PCGF6: variants seen among roughly 807,000 people sequenced by gnomAD.
The protein encoded by PCGF6 is polycomb group RING finger protein 6.
Under a neutral mutation model 45.5 loss-of-function variants are expected in PCGF6, and 24 were observed. That is an observed-to-expected ratio of 0.53 (90% CI 0.38 to 0.74). PCGF6 has a LOEUF of 0.74. PCGF6 is among the 30% of genes least tolerant of loss of function. The pLI, the probability that PCGF6 is intolerant of heterozygous loss-of-function variation, is 0.00. For missense variants in PCGF6, 356 were observed against 443.2 expected (o/e 0.80, Z 1.77); for synonymous variants, 152 against 162.1 (o/e 0.94, Z 0.47).
intron 3 of PCGF6, 27 bp from the exon 4 acceptor site, chr10:103,347,477 C>T (rs2093303754): frequency 6.4e-7 from 1 of 1,564,362 alleles, no homozygotes. Flanking sequence ...ATGGAGAATA[C>T]CTCAGAATTC....
chr10:103,312,083 C>CAA (rs2093159325), intron 9 of PCGF6, among the ~76,000 whole-genome samples: 5 of 67,268 alleles, frequency 7.4e-5, no homozygotes, highest in South Asian at 6.3e-4. Context: ...GACTCTGTCT[C>CAA]CAAAAAAAAA....
At chr10:103,338,785 T>C (rs2093267981) in intron 6 of PCGF6, among the ~76,000 whole-genome samples, 1 of 151,038 alleles carries the variant, frequency 6.6e-6, no homozygotes, top group Admixed American at 6.6e-5. Flanking sequence ...GGAGAATCGC[T>C]TGAACCCTAG....
At chr10:103,338,694 C>T (rs997852040) in intron 6 of PCGF6, among the ~76,000 whole-genome samples, 6 of 151,416 alleles carry the variant, frequency 4.0e-5, no homozygotes, top group Non-Finnish European at 7.4e-5. Context: ...TGATGAAACC[C>T]CATCTCTACT....
At chr10:103,343,753 A>C (rs1169657045) in intron 6 of PCGF6, among the ~76,000 whole-genome samples, 1 of 141,090 alleles carries the variant, frequency 7.1e-6, no homozygotes, top group Non-Finnish European at 1.5e-5. Context: ...GAATCCCCTG[A>C]ACCTGGGAGG....
At position 103,349,482 on chromosome 10, in the gene PCGF6, T is replaced by A. The variant is rs2093312624; in HGVS notation, c.361-483A>T. 3.5e-5 allele frequency among the ~76,000 whole-genome samples: 4 copies of A among 115,678 alleles called. No individual in the cohort carries two copies. The South Asian group carries it at 1.2e-3, about 35-fold the overall frequency. 75.9% of individuals were successfully genotyped at this position (115,678 alleles called of 152,430 possible). A position where few individuals can be genotyped will look rare whatever the true frequency, so the allele number is the denominator to read the frequency against. ...AAATTATTGTTTCTTTCTTTCCGTT[T>A]TTTTTTTTTTTTTTTTGAGAGGGAG... is the stretch of plus-strand genomic sequence containing the variant. On this transcript the variant is annotated intron_variant, in intron 1 of 9. Coordinates refer to ENST00000369847, the MANE Select transcript of PCGF6 (RefSeq NM_001011663.2).
rs1434417949 is a variant in PCGF6 at position 103,303,171 on chromosome 10, G to C, written c.*734C>G. 1 of 152,516 alleles carries C rather than the reference G, an allele frequency of 6.6e-6. No homozygotes were observed. Among genetic ancestry groups the C allele is most frequent in the Non-Finnish European group, 1.5e-5 (1 of 68,028 alleles). The allele number at this position is 152,516 out of a possible 1,614,324, so 9.4% of individuals were successfully genotyped here. Reference sequence around the variant, plus strand: ...CTTTCAGAAGCAATACTATTGCAAGGTATCAACAACCACACTATGTACCCA... The same window carrying C: ...CTTTCAGAAGCAATACTATTGCAAGCTATCAACAACCACACTATGTACCCA... On this transcript the variant is annotated 3_prime_UTR_variant, in exon 10 of 10. Coordinates refer to ENST00000369847, the MANE Select transcript of PCGF6 (RefSeq NM_001011663.2).
At chr10:103,328,963 T>G (rs1004571143) in intron 7 of PCGF6, among the ~76,000 whole-genome samples, 2 of 151,946 alleles carry the variant, frequency 1.3e-5, no homozygotes, top group African/African-American at 4.8e-5. Context: ...GCCAGGATGG[T>G]CTCGATCTCC....
intron 6 of PCGF6, among the ~76,000 whole-genome samples, chr10:103,343,786 T>C (rs1425559448): frequency 1.6e-5 from 2 of 123,172 alleles, no homozygotes; most frequent in African/African-American, 6.0e-5. Flanking sequence ...TAAGCTGAGA[T>C]TGCACCACTG....
At position 103,347,248 on chromosome 10, in the gene PCGF6, T is replaced by C; in HGVS notation, c.663A>G (p.Val221=). ...TACACCCAAACTTACCAGGTTTAGGTACTTCTAGACCTCTTTCTTTATAGA... is the reference window on the plus strand; with the variant it reads ...TACACCCAAACTTACCAGGTTTAGGCACTTCTAGACCTCTTTCTTTATAGA... ...HDFYKERGLE[V]PKPAVPQPVP... The change falls in exon 5 of 10, where the codon GTA becomes GTG. Residue 221 remains valine, a synonymous_variant. Transcript: ENST00000369847. 1 of 1,606,130 alleles carries C rather than the reference T, an allele frequency of 6.2e-7. No individual in the cohort carries two copies. Among genetic ancestry groups the C allele is most frequent in the Non-Finnish European group, 8.5e-7 (1 of 1,173,106 alleles).
chr10:103,323,188 T>C (rs1018511369), intron 8 of PCGF6, among the ~76,000 whole-genome samples: 28 of 152,134 alleles, frequency 1.8e-4, no homozygotes, highest in African/African-American at 6.5e-4. Flanking sequence ...TCAGCTGCCA[T>C]GAGATATAAC....
At chr10:103,311,237 G>T (rs980776524) in intron 9 of PCGF6, among the ~76,000 whole-genome samples, 1 of 151,948 alleles carries the variant, frequency 6.6e-6, no homozygotes, top group African/African-American at 2.4e-5. Context: ...TGCCTCCCGG[G>T]TTCAAGCGAT....
At chr10:103,324,683 C>A (rs2133572007) in intron 8 of PCGF6, among the ~76,000 whole-genome samples, 1 of 150,250 alleles carries the variant, frequency 6.7e-6, no homozygotes, top group South Asian at 2.1e-4. Context: ...TCACTTGAAC[C>A]CGGGAGGCGG....
intron 9 of PCGF6, among the ~76,000 whole-genome samples, chr10:103,313,152 G>A (rs2093163374): frequency 6.6e-6 from 1 of 152,146 alleles, no homozygotes; most frequent in South Asian, 2.1e-4. Flanking sequence ...CATCAAAATA[G>A]TTACCTTGAG....
chr10:103,322,934 CAT>C (rs1045601656), intron 8 of PCGF6, among the ~76,000 whole-genome samples: 2 of 148,856 alleles, frequency 1.3e-5, no homozygotes, highest in African/African-American at 5.0e-5. Flanking sequence ...AAACACAAAA[CAT>C]ACACACACAC....
intron 9 of PCGF6, among the ~76,000 whole-genome samples, chr10:103,306,932 C>T (rs1170879237): frequency 6.6e-6 from 1 of 151,842 alleles, no homozygotes; most frequent in Non-Finnish European, 1.5e-5. Context: ...AGTGAGACCC[C>T]GTCTCTACAA....
rs1448875058 is a variant in PCGF6 at position 103,335,238 on chromosome 10, G to T, written c.783-1286C>A. Among the ~76,000 whole-genome samples the T allele has an allele frequency of 3.3e-5, 5 of 151,602 alleles. No homozygotes were observed. The Admixed American group carries it at 3.3e-4, about 10-fold the overall frequency. On this transcript the variant is annotated intron_variant, in intron 6 of 9. Transcript: ENST00000369847. ...AATTAAAAAAAAAAAAAAATTTTAA[G>T]AGATAGGGTCTCGCTGTGTTGGCCA...
chr10:103,350,372 G>C (rs1460126601), intron 1 of PCGF6, among the ~76,000 whole-genome samples: 1 of 152,008 alleles, frequency 6.6e-6, no homozygotes, highest in African/African-American at 2.4e-5. Flanking sequence ...CCAGGAGTTG[G>C]AGGCTGCAGT....
At chr10:103,321,995 A>G (rs768934906) in intron 8 of PCGF6, among the ~76,000 whole-genome samples, 1 of 151,362 alleles carries the variant, frequency 6.6e-6, no homozygotes, top group African/African-American at 2.4e-5. Flanking sequence ...TCCTAGGTTC[A>G]AGGGATCCTC....
At chr10:103,349,087 A>C (rs2093310381) in intron 1 of PCGF6, 88 bp from the exon 2 acceptor site, 6 of 1,137,266 alleles carry the variant, frequency 5.3e-6, no homozygotes, top group Non-Finnish European at 7.6e-6. Flanking sequence ...CTCACTCTGT[A>C]GCCCAAGCTG....
Sources: gnomAD v4.1 joint callset for allele counts (sites outside exome capture counted in the v4.1 genomes callset) on GRCh38, gnomAD v4.1.1 for gene constraint, MANE v1.5 for transcripts, NCBI Gene and HGNC (gene_info 2026-07-23, HGNC 2026-07-21) for gene names.